Variants in ANGPTL5 observed in about 807,000 individuals in gnomAD.
The protein encoded by ANGPTL5 is angiopoietin-related protein 5.
Under a neutral mutation model 39.4 loss-of-function variants are expected in ANGPTL5, and 34 were observed. The ratio of observed to expected loss-of-function variants is 0.86; its 90% CI spans 0.66 to 1.15. The LOEUF (loss-of-function observed/expected upper bound fraction) is 1.15. Among genes scored for constraint, ANGPTL5 ranks in the 50% most tolerant of loss-of-function variants. The pLI, the probability that ANGPTL5 is intolerant of heterozygous loss-of-function variation, is 0.00. For synonymous variants in ANGPTL5, 146 were observed against 152.1 expected (o/e 0.96, Z 0.29); for missense variants, 467 against 457.5 (o/e 1.02, Z -0.19).
At chr11:101,897,371 T>G (rs1939818481) in intron 7 of ANGPTL5, among the ~76,000 whole-genome samples, 1 of 152,244 alleles carries the variant, frequency 6.6e-6, no homozygotes, top group Non-Finnish European at 1.5e-5. Flanking sequence ...CAGATCCCAT[T>G]TGTCAATTTT....
intron 7 of ANGPTL5, 45 bp from the exon 8 acceptor site, chr11:101,895,109 G>A: frequency 7.4e-7 from 1 of 1,353,286 alleles, no homozygotes; most frequent in Non-Finnish European, 1.0e-6. Flanking sequence ...ATACAAATTA[G>A]AATAATGGTT....
chr11:101,905,555 A>T (rs1276955950), intron 4 of ANGPTL5, among the ~76,000 whole-genome samples, 189 bp downstream of exon 4: 2 of 152,324 alleles, frequency 1.3e-5, no homozygotes, highest in Middle Eastern at 3.4e-3. Context: ...CCACTAGACC[A>T]TACCCCTTGA....
intron 8 of ANGPTL5, among the ~76,000 whole-genome samples, chr11:101,892,445 G>A (rs1420153037): frequency 6.6e-6 from 1 of 152,036 alleles, no homozygotes; most frequent in Non-Finnish European, 1.5e-5. Flanking sequence ...TGGCCAGGTT[G>A]GTCTTGACCT....
intron 8 of ANGPTL5, 94 bp from the exon 9 acceptor site, chr11:101,891,692 G>A: frequency 8.3e-7 from 1 of 1,207,480 alleles, no homozygotes; most frequent in Non-Finnish European, 1.2e-6. Flanking sequence ...ACCACATCTG[G>A]AAATAGGGTT....
At chr11:101,894,403 A>G (rs1181156126) in intron 8 of ANGPTL5, among the ~76,000 whole-genome samples, 2 of 152,258 alleles carry the variant, frequency 1.3e-5, no homozygotes, top group African/African-American at 2.4e-5. Flanking sequence ...GCATCAAAGT[A>G]TAATGAAAAA....
chr11:101,915,455 A>T (rs186321446), intron 1 of ANGPTL5: 1 of 1,576,356 alleles, frequency 6.3e-7, no homozygotes, highest in Non-Finnish European at 8.6e-7. Context: ...CGATGTTGAA[A>T]ACGGGGCCCA....
At chr11:101,901,322 T>G (rs75252252) in intron 6 of ANGPTL5, among the ~76,000 whole-genome samples, 15 of 148,260 alleles carry the variant, frequency 1.0e-4, no homozygotes, top group South Asian at 4.5e-4. Context: ...GGTGGGGGGG[T>G]GTGTGTGCAC....
chr11:101,906,355 G>A lies in ANGPTL5; in HGVS notation c.242-508C>T, dbSNP rs547270927. ...TAATAAATGTTAGTCAAAGGTTTTG[G>A]TTATTTGGTTTCTGACTAAACATTT... On this transcript the variant is annotated intron_variant, in intron 3 of 8. Coordinates refer to ENST00000334289, the MANE Select transcript of ANGPTL5 (RefSeq NM_178127.5). Among the ~76,000 whole-genome samples, 11 of 152,088 alleles carry A rather than the reference G, an allele frequency of 7.2e-5. 2 individuals are homozygous for A. In the South Asian group the frequency reaches 2.3e-3, roughly 32 times the overall value.
At chr11:101,915,360 G>GC (rs757955230) in intron 1 of ANGPTL5, 9 of 1,613,822 alleles carry the variant, frequency 5.6e-6, no homozygotes, top group African/African-American at 4.0e-5. Context: ...CCTCGACAGA[G>GC]CCCCCCTCGG....
intron 7 of ANGPTL5, among the ~76,000 whole-genome samples, chr11:101,899,518 T>C (rs1420456685): frequency 6.6e-6 from 1 of 152,202 alleles, no homozygotes; most frequent in East Asian, 1.9e-4. Context: ...AAATTTGAAG[T>C]AAGGAAGATG....
intron 3 of ANGPTL5, among the ~76,000 whole-genome samples, chr11:101,906,272 T>C (rs1031194641): frequency 6.6e-6 from 1 of 152,146 alleles, no homozygotes; most frequent in Admixed American, 6.5e-5. Flanking sequence ...TGTTTTAATT[T>C]TTCTATTAAT....
At chr11:101,891,743 A>T in intron 8 of ANGPTL5, 145 bp from the exon 9 acceptor site, 1 of 836,966 alleles carries the variant, frequency 1.2e-6, no homozygotes, top group Non-Finnish European at 1.9e-6. Context: ...AAATTCTCCT[A>T]CTCGAAGATT....
rs186513569 is a variant in ANGPTL5 at position 101,915,056 on chromosome 11, C to G, written c.-93+963G>C. On this transcript the variant is annotated intron_variant, in intron 1 of 8. Coordinates refer to ENST00000334289, the MANE Select transcript of ANGPTL5 (RefSeq NM_178127.5). ...ATGGCGGCTGCAGGGTTGCTGCCGCCCCATCTGCTATTGCCCGGCGAGGTC... is the reference window on the plus strand; with the variant it reads ...ATGGCGGCTGCAGGGTTGCTGCCGCGCCATCTGCTATTGCCCGGCGAGGTC... The G allele has an allele frequency of 9.6e-3, 4,901 of 512,176 alleles. 32 individuals carry two copies. The highest frequency in any genetic ancestry group is 0.016 in the Middle Eastern group (30 of 1,890). The allele number at this position is 512,176 out of a possible 1,614,324, so 31.7% of individuals were successfully genotyped here. A position where few individuals can be genotyped will look rare whatever the true frequency, so the allele number is the denominator to read the frequency against.
At chr11:101,893,580 G>T (rs1000039510) in intron 8 of ANGPTL5, among the ~76,000 whole-genome samples, 2 of 152,116 alleles carry the variant, frequency 1.3e-5, no homozygotes, top group African/African-American at 4.8e-5. Flanking sequence ...AAAAACTTTT[G>T]CCATTATCAA....
rs777024004 is a variant in ANGPTL5 at position 101,904,925 on chromosome 11, C to A, written c.346-18G>T. ...TCGTTAACCTAAACACATGCATACA[C>A]ATTTAAGTAAATTTATATTTGAAGA... is the stretch of plus-strand genomic sequence containing the variant. On this transcript the variant is annotated intron_variant, in intron 4 of 8. Coordinates refer to ENST00000334289, the MANE Select transcript of ANGPTL5 (RefSeq NM_178127.5). 4.3e-5 allele frequency: 67 copies of A among 1,570,962 alleles called. No homozygotes were observed. Among genetic ancestry groups the A allele is most frequent in the Middle Eastern group, 1.7e-4 (1 of 6,008 alleles).
rs558608655 is a variant in ANGPTL5, at chr11:101,891,386, G to A, written c.1060C>T (p.Leu354Phe). Residue 354 changes from leucine to phenylalanine, a missense_variant, in exon 9 of 9, where the codon CTT (leucine) becomes TTT (phenylalanine). By Grantham distance (22) the Leu-to-Phe change is conservative (BLOSUM62 0). Coordinates refer to ENST00000334289, the MANE Select transcript of ANGPTL5 (RefSeq NM_178127.5). ...GTGCCCCATTGAATTCCAGTTGCAA[G>A]CAATTTTCCAGAGAAGTGATGAATG... ...NGIHHFSGKL[L>F]ATGIQWGTWT... The A allele has an allele frequency of 7.4e-6, 12 of 1,614,002 alleles. No homozygotes were observed. In the South Asian group the frequency reaches 1.3e-4, roughly 18 times the overall value.
intron 8 of ANGPTL5, among the ~76,000 whole-genome samples, chr11:101,892,870 A>G (rs886565232): frequency 6.6e-6 from 1 of 152,224 alleles, no homozygotes; most frequent in Non-Finnish European, 1.5e-5. Context: ...GTGGTGGCCT[A>G]TCCTATACCC....
Position 101,891,450 on chromosome 11 carries a change from GC to G in ANGPTL5, c.995del (p.Gly332AlafsTer9), listed in dbSNP as rs1565336703. The G allele has an allele frequency of 1.2e-6, 2 of 1,614,056 alleles. No individual in the cohort carries two copies. Among genetic ancestry groups the G allele is most frequent in the Non-Finnish European group, 1.7e-6 (2 of 1,179,988 alleles). On this transcript the variant is annotated frameshift_variant, in exon 9 of 9. Coordinates refer to ENST00000334289, the MANE Select transcript of ANGPTL5 (RefSeq NM_178127.5). LOFTEE classifies it high-confidence loss of function. ...KSCSHLHNKT[G>X]WWFNECGLAN... ...CTAGACCACACTCGTTAAACCACCA[GC>G]CGGTCTTGTTATGGAGGTGACTGCA...
intron 1 of ANGPTL5, chr11:101,915,019 G>C (rs1003496468): frequency 7.2e-6 from 3 of 416,214 alleles, no homozygotes; most frequent in African/African-American, 4.1e-5. Flanking sequence ...CGCGCCGTCG[G>C]TTGTTGTCAA....
Sources: gnomAD v4.1 joint callset for allele counts (sites outside exome capture counted in the v4.1 genomes callset) on GRCh38, gnomAD v4.1.1 for gene constraint, MANE v1.5 for transcripts, NCBI Gene and HGNC (gene_info 2026-07-23, HGNC 2026-07-21) for gene names.